The following DACT1 variants were observed in gnomAD, a reference collection of about 807,000 sequenced individuals.
DACT1 encodes dishevelled binding antagonist of beta catenin 1.
A neutral mutation model predicts 35.3 loss-of-function variants in DACT1; 19 were observed. The ratio of observed to expected loss-of-function variants is 0.54; its 90% CI spans 0.38 to 0.79. The LOEUF is 0.79. Ranked by LOEUF, DACT1 falls within the 30% of genes least tolerant of loss-of-function variation. The pLI is 0.00. For missense variants in DACT1, 1,143 were observed against 1,057.5 expected (o/e 1.08, Z -1.12); for synonymous variants, 545 against 466.7 (o/e 1.17, Z -2.16).
chr14:58,641,683 C>T lies in DACT1; in HGVS notation c.570C>T (p.Ser190=), dbSNP rs753556749. The change falls in exon 3 of 4, where the codon AGC becomes AGT. Residue 190 remains serine, a synonymous_variant. Transcript: ENST00000395153. ...FSECLSSCHS[S]TCFCSPLEAT... The stretch of plus-strand genomic sequence containing the variant: ...AGTGTTTATCCAGTTGTCATTCCAG[C>T]ACCTGCTTTTGCAGCCCCTTGGAGG... The T allele has an allele frequency of 1.9e-6, 3 of 1,614,210 alleles. No homozygotes were observed. Among genetic ancestry groups the T allele is most frequent in the Non-Finnish European group, 2.5e-6 (3 of 1,180,044 alleles).
intron 1 of DACT1, 171 bp downstream of exon 1, chr14:58,638,718 T>G: frequency 8.5e-7 from 1 of 1,179,824 alleles, no homozygotes; most frequent in Non-Finnish European, 1.1e-6. Context: ...GCCCGCGGCG[T>G]GTGGGCTGCC....
In DACT1 at chr14:58,638,177, C is replaced by A. The variant is rs921536183; in HGVS notation, c.-26C>A. The A allele has an allele frequency of 8.6e-6, 11 of 1,282,674 alleles. No homozygotes were observed. Among genetic ancestry groups the A allele is most frequent in the Non-Finnish European group, 1.1e-5 (11 of 1,016,126 alleles). The allele number at this position is 1,282,674 out of a possible 1,614,324, so 79.5% of individuals were successfully genotyped here. On this transcript the variant is annotated 5_prime_UTR_variant, in exon 1 of 4. Coordinates refer to ENST00000395153, the MANE Select transcript of DACT1 (RefSeq NM_001079520.2). ...CGCCTGGGCGGCCCGGCTGCGGTGACGGCTCTCGCTGCCCGACTGGGGGCC... is the reference window on the plus strand; with the variant it reads ...CGCCTGGGCGGCCCGGCTGCGGTGAAGGCTCTCGCTGCCCGACTGGGGGCC...
chr14:58,645,529 C>T lies in DACT1; in HGVS notation c.795C>T (p.Ala265=), dbSNP rs781470708. ...LREEDRLGNH[A]SDICGGSELD... is the part of the protein sequence containing the mutation. The stretch of plus-strand genomic sequence containing the variant: ...AAGAGGACAGGCTTGGAAACCATGC[C>T]AGTGACATTTGCGGTGGATCTGAGC... The change falls in exon 4 of 4, where the codon GCC becomes GCT. Residue 265 remains alanine, a synonymous_variant. Coordinates refer to ENST00000395153, the MANE Select transcript of DACT1 (RefSeq NM_001079520.2). The T allele has an allele frequency of 9.3e-6, 15 of 1,614,092 alleles. 1 individual carries two copies. The South Asian group carries it at 1.6e-4, about 18-fold the overall frequency.
intron 1 of DACT1, 35 bp downstream of exon 1, chr14:58,638,582 C>T: frequency 7.6e-7 from 1 of 1,314,410 alleles, no homozygotes; most frequent in South Asian, 3.1e-5. Context: ...ACGGCTGTTC[C>T]TGCCCAGGGG....
Position 58,641,653 on chromosome 14 carries a change from CAGTG to C in DACT1, c.545_548del (p.Glu182ValfsTer19), listed in dbSNP as rs1199124660. 6.2e-7 allele frequency: 1 copy of C among 1,614,082 alleles called. No individual in the cohort carries two copies. Among genetic ancestry groups the C allele is most frequent in the African/African-American group, 1.3e-5 (1 of 74,928 alleles). ...TTTCCAATTCCTCTAACTCGGTGTT[CAGTG>C]AGTGTTTATCCAGTTGTCATTCCAG... On this transcript the variant is annotated frameshift_variant, in exon 3 of 4. Coordinates refer to ENST00000395153, the MANE Select transcript of DACT1 (RefSeq NM_001079520.2). LOFTEE classifies it high-confidence loss of function.
chr14:58,646,353 GCGT>G lies in DACT1; in HGVS notation c.1623_1625del (p.Val542del), dbSNP rs770819450. On this transcript the variant is annotated inframe_deletion, in exon 4 of 4. Coordinates refer to ENST00000395153, the MANE Select transcript of DACT1 (RefSeq NM_001079520.2). Reference sequence around the variant, plus strand: ...CTCCACCGGGGCCACAGGAACATGGGCGTCGTGAAGAACTCCAGCCTGAAGCAC... The same window carrying G: ...CTCCACCGGGGCCACAGGAACATGGGCGTGAAGAACTCCAGCCTGAAGCAC... 14 of 1,606,672 alleles carry G rather than the reference GCGT, an allele frequency of 8.7e-6. No individual in the cohort carries two copies. In the South Asian group the frequency reaches 1.6e-4, roughly 18 times the overall value.
intron 3 of DACT1, among the ~76,000 whole-genome samples, chr14:58,643,885 G>A (rs750625819): frequency 3.9e-5 from 6 of 152,250 alleles, no homozygotes; most frequent in African/African-American, 1.4e-4. Flanking sequence ...TCTTTATTGG[G>A]GGGGGTCATG....
At chr14:58,640,906 T>C in intron 2 of DACT1, 38 bp downstream of exon 2, 1 of 1,612,202 alleles carries the variant, frequency 6.2e-7, no homozygotes, top group Non-Finnish European at 8.5e-7. Flanking sequence ...TCTGCACTCT[T>C]GAGTTGTATC....
intron 1 of DACT1, chr14:58,638,758 C>G: frequency 8.3e-7 from 1 of 1,197,894 alleles, no homozygotes; most frequent in South Asian, 4.3e-5. Flanking sequence ...CGTGTGCCCG[C>G]TTTGTGTCTG....
At chr14:58,640,649 G>T in intron 1 of DACT1, 87 bp from the exon 2 acceptor site, 1 of 1,542,618 alleles carries the variant, frequency 6.5e-7, no homozygotes, top group Non-Finnish European at 8.8e-7. Context: ...GAACTCTTCA[G>T]ATGGGTAATT....
chr14:58,641,506 C>T lies in DACT1; in HGVS notation c.479-86C>T, dbSNP rs2047626523. On this transcript the variant is annotated intron_variant, in intron 2 of 3. Transcript: ENST00000395153. ...AAAACAAACAAAAAATCTCCTTTTC[C>T]TAAATGATTATTCATTTTCCTGTTA... 12 of 1,436,438 alleles carry T rather than the reference C, an allele frequency of 8.4e-6. 1 individual carries two copies. The South Asian group carries it at 1.3e-4, about 16-fold the overall frequency. 89.0% of individuals were successfully genotyped at this position (1,436,438 alleles called of 1,614,324 possible).
Position 58,638,092 on chromosome 14 carries a change from C to A in DACT1, c.-111C>A. 8.9e-7 allele frequency: 1 copy of A among 1,124,872 alleles called. No individual in the cohort carries two copies. Among genetic ancestry groups the A allele is most frequent in the Non-Finnish European group, 1.1e-6 (1 of 900,386 alleles). The allele number at this position is 1,124,872 out of a possible 1,614,324, so 69.7% of individuals were successfully genotyped here. ...CTAGCCACCGTCCCCGCCAGCGCCG[C>A]GCCCCGCCACAGGGCGGCATGAGCC... On this transcript the variant is annotated 5_prime_UTR_variant, in exon 1 of 4. Transcript: ENST00000395153.
In DACT1 at chr14:58,648,282, T is replaced by A. The variant is rs1010161060; in HGVS notation, c.*1148T>A. 2 of 167,072 alleles carry A rather than the reference T, an allele frequency of 1.2e-5. No homozygotes were observed. Among genetic ancestry groups the A allele is most frequent in the African/African-American group, 4.8e-5 (2 of 41,442 alleles). 10.3% of individuals were successfully genotyped at this position (167,072 alleles called of 1,614,324 possible). A position where few individuals can be genotyped will look rare whatever the true frequency, so the allele number is the denominator to read the frequency against. ...ACCATTTGTTTTACTGCTGTTAAGT[T>A]TGTTATTTGGGTATAAAACCAGATG... On this transcript the variant is annotated 3_prime_UTR_variant, in exon 4 of 4. Coordinates refer to ENST00000395153, the MANE Select transcript of DACT1 (RefSeq NM_001079520.2).
chr14:58,637,217 A>G (rs986817336), upstream of DACT1, among the ~76,000 whole-genome samples: 2 of 152,256 alleles, frequency 1.3e-5, no homozygotes, highest in African/African-American at 4.8e-5. Context: ...ATAAAAGCTC[A>G]AACAAAAACC....
chr14:58,643,215 A>G (rs1733413737), intron 3 of DACT1, among the ~76,000 whole-genome samples: 1 of 152,234 alleles, frequency 6.6e-6, no homozygotes, highest in South Asian at 2.1e-4. Flanking sequence ...ATTTTGGCTT[A>G]TAAGCTAATT....
chr14:58,638,574 G>A (rs1437500255), intron 1 of DACT1, 27 bp downstream of exon 1: 4 of 1,320,268 alleles, frequency 3.0e-6, no homozygotes, highest in Admixed American at 6.2e-5. Context: ...GGTGGAGCAC[G>A]GCTGTTCCTG....
Position 58,646,733 on chromosome 14 carries a change from C to T in DACT1, c.1999C>T (p.Leu667=), listed in dbSNP as rs753396030. 3.7e-6 allele frequency: 6 copies of T among 1,613,622 alleles called. No homozygotes were observed. The African/African-American group carries it at 4.0e-5, about 11-fold the overall frequency. Residue 667 remains leucine, a synonymous_variant, in exon 4 of 4, where the codon CTG becomes TTG. Coordinates refer to ENST00000395153, the MANE Select transcript of DACT1 (RefSeq NM_001079520.2). ...GCGCGGTCGCCGGGAGAATGTGGGG[C>T]TGTACCCCGCGCCTGTGCCTCTGCC... ...ARRGRRENVG[L]YPAPVPLPYA... is the part of the protein sequence containing the mutation.
Position 58,647,121 on chromosome 14 carries a change from TGAC to T in DACT1, c.2392_2394del (p.Thr798del), listed in dbSNP as rs1244494068. On this transcript the variant is annotated inframe_deletion, in exon 4 of 4. Transcript: ENST00000395153. ...TTTCGGTCTGGCTCTTTGAAACTGA[TGAC>T]GACGGTTTGAGTGACATCATTGGTG... 2.5e-6 allele frequency: 4 copies of T among 1,613,912 alleles called. No homozygotes were observed. The highest frequency in any genetic ancestry group is 1.7e-6 in the Non-Finnish European group (2 of 1,180,002).
In DACT1 at chr14:58,646,638, A is replaced by G; in HGVS notation, c.1904A>G (p.Lys635Arg). 1 of 1,611,832 alleles carries G rather than the reference A, an allele frequency of 6.2e-7. No homozygotes were observed. Among genetic ancestry groups the G allele is most frequent in the South Asian group, 1.1e-5 (1 of 90,898 alleles). ...GCGGTGGTGGCCAAACCTAAGCACA[A>G]GCGAACTGACTACCGGCGGTGGAAG... ...REAVVAKPKH[K>R]RTDYRRWKSS... The change falls in exon 4 of 4, where the codon AAG (lysine) becomes AGG (arginine). Residue 635 changes from lysine (K) to arginine (R), a missense_variant. Physicochemically the swap from Lys to Arg is conservative, Grantham distance 26 (BLOSUM62 2). Coordinates refer to ENST00000395153, the MANE Select transcript of DACT1 (RefSeq NM_001079520.2).
Sources: allele counts gnomAD v4.1 joint callset (sites outside exome capture counted in the v4.1 genomes callset), GRCh38; gene constraint gnomAD v4.1.1; transcripts MANE v1.5; gene names NCBI Gene and HGNC (gene_info 2026-07-23, HGNC 2026-07-21).